The following GRIA4 variants were observed in gnomAD, a reference collection of about 807,000 sequenced individuals.
GRIA4 encodes glutamate receptor 4.
Under a neutral mutation model 104.0 loss-of-function variants are expected in GRIA4, and 34 were observed. The ratio of observed to expected loss-of-function variants is 0.33; its 90% CI spans 0.25 to 0.44. GRIA4 has a LOEUF of 0.44. Ranked by LOEUF, GRIA4 falls within the 20% of genes least tolerant of loss-of-function variation. The probability of loss-of-function intolerance (pLI) is 1.00; values close to 1 mark genes in which losing one functional copy is unlikely to be tolerated. For missense variants in GRIA4, 750 were observed against 1,096.5 expected (o/e 0.68, Z 4.46); for synonymous variants, 386 against 381.9 (o/e 1.01, Z -0.13).
Position 105,843,010 on chromosome 11 carries a change from T to G in GRIA4, c.488-19014T>G, listed in dbSNP as rs569528822. 9.2e-5 allele frequency: 14 copies of G among 152,354 alleles called. No homozygotes were observed. The South Asian group carries it at 1.5e-3, about 16-fold the overall frequency. The allele number at this position is 152,354 out of a possible 1,614,324, so 9.4% of individuals were successfully genotyped here. The stretch of plus-strand genomic sequence containing the variant: ...TATTCTGCAAATGGCTCAAATCCTC[T>G]TGAAGACTGTTGACTTCCTCTAACT... On this transcript the variant is annotated intron_variant, in intron 4 of 16. Coordinates refer to ENST00000282499, the MANE Select transcript of GRIA4 (RefSeq NM_000829.4).
intron 14 of GRIA4, among the ~76,000 whole-genome samples, chr11:105,969,288 G>A (rs961986969): frequency 2.0e-5 from 3 of 152,072 alleles, no homozygotes; most frequent in Non-Finnish European, 4.4e-5. Flanking sequence ...GGAAAAAATG[G>A]AAAGGAAAAA....
At chr11:105,894,803 T>TAC (rs1337724709) in intron 6 of GRIA4, among the ~76,000 whole-genome samples, 53 of 102,252 alleles carry the variant, frequency 5.2e-4, no homozygotes, top group Admixed American at 1.2e-3. Context: ...TTTTTTTTTT[T>TAC]TTTTTTTGAG....
At chr11:105,686,610 T>TA (rs1952891081) in intron 3 of GRIA4, among the ~76,000 whole-genome samples, 1 of 152,192 alleles carries the variant, frequency 6.6e-6, no homozygotes, top group South Asian at 2.1e-4. Flanking sequence ...TTGCTAAGTC[T>TA]AATGGTAGCT....
intron 4 of GRIA4, among the ~76,000 whole-genome samples, chr11:105,823,077 A>G (rs1253633076): frequency 1.3e-5 from 2 of 152,106 alleles, no homozygotes; most frequent in African/African-American, 4.8e-5. Flanking sequence ...GTTCAATCCC[A>G]TTTCATATTT....
chr11:105,917,821 T>G (rs906597322), intron 10 of GRIA4, among the ~76,000 whole-genome samples: 1 of 145,098 alleles, frequency 6.9e-6, no homozygotes, highest in African/African-American at 2.5e-5. Flanking sequence ...TAAGGGTGTG[T>G]GTGTGTGTGT....
At chr11:105,771,764 A>T (rs531882936) in intron 4 of GRIA4, among the ~76,000 whole-genome samples, 206 of 152,166 alleles carry the variant, frequency 1.4e-3, no homozygotes, top group African/African-American at 4.6e-3. Flanking sequence ...ATATTGGAAA[A>T]TTTTTTGATT....
At position 105,831,435 on chromosome 11, in the gene GRIA4, T is replaced by C. The variant is rs957095771; in HGVS notation, c.488-30589T>C. 5.3e-5 allele frequency among the ~76,000 whole-genome samples: 8 copies of C among 152,118 alleles called. No individual in the cohort carries two copies. In the East Asian group the frequency reaches 1.2e-3, roughly 22 times the overall value. ...AAGCTCCATCTCATGACATCAGGAA[T>C]AGCATGAGCATACGGGAAAAGGACA... On this transcript the variant is annotated intron_variant, in intron 4 of 16. Coordinates refer to ENST00000282499, the MANE Select transcript of GRIA4 (RefSeq NM_000829.4).
intron 14 of GRIA4, among the ~76,000 whole-genome samples, chr11:105,942,854 A>G (rs1364297992): frequency 2.0e-5 from 3 of 152,100 alleles, no homozygotes; most frequent in African/African-American, 7.2e-5. Context: ...ACAAAGAAAG[A>G]TTTTACAATT....
At chr11:105,808,856 A>T (rs958304835) in intron 4 of GRIA4, among the ~76,000 whole-genome samples, 5 of 152,164 alleles carry the variant, frequency 3.3e-5, no homozygotes, top group Non-Finnish European at 5.9e-5. Flanking sequence ...TAAATTCCTA[A>T]CATGACGGCA....
chr11:105,939,967 C>T (rs1948142185), intron 14 of GRIA4, among the ~76,000 whole-genome samples: 1 of 152,094 alleles, frequency 6.6e-6, no homozygotes, highest in Admixed American at 6.6e-5. Context: ...TTACAACAGG[C>T]CAAGAAGAGA....
In GRIA4 at chr11:105,788,345, TC is replaced by T. The variant is rs545463795; in HGVS notation, c.487+35126del. Among the ~76,000 whole-genome samples, 410 of 152,232 alleles carry T rather than the reference TC, an allele frequency of 2.7e-3. 3 individuals carry two copies. The highest frequency in any genetic ancestry group is 9.5e-3 in the African/African-American group (393 of 41,542). On this transcript the variant is annotated intron_variant, in intron 4 of 16. Coordinates refer to ENST00000282499, the MANE Select transcript of GRIA4 (RefSeq NM_000829.4). ...GTAGGAAAAACAGTATGGAGATTTC[TC>T]AAACAACTAAAAACTATCATTTCAC...
chr11:105,676,623 T>G (rs1952546939), intron 3 of GRIA4, among the ~76,000 whole-genome samples: 1 of 151,782 alleles, frequency 6.6e-6, no homozygotes, highest in African/African-American at 2.4e-5. Flanking sequence ...CAGTAACTTG[T>G]AAAAAGAACC....
Position 105,970,465 on chromosome 11 carries a change from G to A in GRIA4, c.2295-1449G>A, listed in dbSNP as rs556046338. On this transcript the variant is annotated intron_variant, in intron 14 of 16. Transcript: ENST00000282499. ...GGAATCCTGATTAGGCTACTGCCTCGCTGTGTAACTTGCTGAATTAAGCTC... is the reference window on the plus strand; with the variant it reads ...GGAATCCTGATTAGGCTACTGCCTCACTGTGTAACTTGCTGAATTAAGCTC... 1.8e-4 allele frequency among the ~76,000 whole-genome samples: 28 copies of A among 152,208 alleles called. No homozygotes were observed. In the South Asian group the frequency reaches 4.6e-3, roughly 25 times the overall value.
intron 3 of GRIA4, among the ~76,000 whole-genome samples, chr11:105,639,590 G>A (rs1463381784): frequency 2.6e-5 from 4 of 151,818 alleles, no homozygotes; most frequent in Admixed American, 2.0e-4. Context: ...ATCATACCCT[G>A]TACATTTTTA....
chr11:105,834,919 A>C (rs571104126), intron 4 of GRIA4, among the ~76,000 whole-genome samples: 1 of 152,108 alleles, frequency 6.6e-6, no homozygotes, highest in African/African-American at 2.4e-5. Flanking sequence ...TAGTAAATAT[A>C]GTTCATTAGT....
chr11:105,845,361 T>A (rs1052740908), intron 4 of GRIA4, among the ~76,000 whole-genome samples: 1 of 152,122 alleles, frequency 6.6e-6, no homozygotes, highest in Admixed American at 6.6e-5. Flanking sequence ...TTGGCCGTTA[T>A]GATCTAGCCT....
chr11:105,793,860 T>C (rs1288762211), intron 4 of GRIA4, among the ~76,000 whole-genome samples: 2 of 151,998 alleles, frequency 1.3e-5, no homozygotes, highest in African/African-American at 4.8e-5. Context: ...AAAATAGAGA[T>C]ATGCCCAACA....
At chr11:105,791,746 A>G (rs1942223295) in intron 4 of GRIA4, among the ~76,000 whole-genome samples, 1 of 152,210 alleles carries the variant, frequency 6.6e-6, no homozygotes, top group African/African-American at 2.4e-5. Context: ...AAAATAAGGC[A>G]CCTGAGTGTC....
At chr11:105,693,664 T>G (rs1455114394) in intron 3 of GRIA4, among the ~76,000 whole-genome samples, 1 of 152,168 alleles carries the variant, frequency 6.6e-6, no homozygotes, top group Non-Finnish European at 1.5e-5. Context: ...AGCACAAGTA[T>G]TCATATTTCT....
Sources: allele counts gnomAD v4.1 joint callset (sites outside exome capture counted in the v4.1 genomes callset), GRCh38; gene constraint gnomAD v4.1.1; transcripts MANE v1.5; gene names NCBI Gene and HGNC (gene_info 2026-07-23, HGNC 2026-07-21).